Variants in MTUS1 observed in about 807,000 individuals in gnomAD.
MTUS1 encodes the protein microtubule associated scaffold protein 1.
A neutral mutation model predicts 120.8 loss-of-function variants in MTUS1; 109 were observed. The observed-to-expected ratio is 0.90, with a 90% CI of 0.77 to 1.06. The LOEUF is 1.06. Ranked by LOEUF, MTUS1 falls within the 50% of genes least tolerant of loss-of-function variation. The pLI is 0.00. For synonymous variants in MTUS1, 737 were observed against 550.5 expected (o/e 1.34, Z -4.74); for missense variants, 2,210 against 1,486.3 (o/e 1.49, Z -8.01).
intron 1 of MTUS1, among the ~76,000 whole-genome samples, chr8:17,795,754 C>T (rs1176644766): frequency 1.3e-5 from 2 of 151,846 alleles, no homozygotes; most frequent in East Asian, 3.9e-4. Flanking sequence ...ATTCTCCTGC[C>T]TCAGCCTCCC....
intron 13 of MTUS1, 96 bp downstream of exon 13, chr8:17,649,750 G>A: frequency 2.8e-6 from 2 of 706,508 alleles, no homozygotes; most frequent in South Asian, 1.7e-5. Context: ...ATCTTTAGGA[G>A]CAGTTAACCC....
At chr8:17,722,372 A>G in intron 4 of MTUS1, 1 of 979,896 alleles carries the variant, frequency 1.0e-6, no homozygotes, top group Non-Finnish European at 1.2e-6. Context: ...TGTCTTTAAA[A>G]TTGCTTTGCA....
rs142003891 is a variant in MTUS1, at chr8:17,726,022, C to T, written c.2288-2189G>A. Among the ~76,000 whole-genome samples the T allele has an allele frequency of 4.6e-3, 699 of 152,308 alleles. 6 individuals carry two copies. The highest frequency in any genetic ancestry group is 0.016 in the African/African-American group (670 of 41,566). On this transcript the variant is annotated intron_variant, in intron 3 of 14. Coordinates refer to ENST00000693296, the MANE Select transcript of MTUS1 (RefSeq NM_001363059.2). ...ATGCCTCTACCCCTTCATACACACA[C>T]ACCCCTTCGTGGTTTCTCTCCAGTC...
intron 8 of MTUS1, chr8:17,674,364 G>C (rs1812636964): frequency 1.6e-6 from 1 of 629,738 alleles, no homozygotes; most frequent in African/African-American, 2.0e-5. Flanking sequence ...AGGTTGCAGT[G>C]AGTCGAGATC....
At chr8:17,698,621 T>C (rs181049251) in intron 6 of MTUS1, among the ~76,000 whole-genome samples, 2 of 152,324 alleles carry the variant, frequency 1.3e-5, no homozygotes, top group Admixed American at 1.3e-4. Context: ...TAAGTGCTAT[T>C]AAAACTAGCA....
chr8:17,684,287 A>C (rs2130771513), intron 7 of MTUS1, 41 bp downstream of exon 7: 1 of 1,511,358 alleles, frequency 6.6e-7, no homozygotes, highest in Non-Finnish European at 9.2e-7. Flanking sequence ...TGCTCCCCCG[A>C]CCTCAAGTAG....
intron 8 of MTUS1, among the ~76,000 whole-genome samples, chr8:17,658,018 T>TAG (rs1329886904): frequency 1.6e-5 from 1 of 63,644 alleles, no homozygotes; most frequent in Non-Finnish European, 3.5e-5. Flanking sequence ...ATACACTATA[T>TAG]ATATAGACAC....
At chr8:17,659,643 A>G (rs1809238214) in intron 8 of MTUS1, among the ~76,000 whole-genome samples, 1 of 152,202 alleles carries the variant, frequency 6.6e-6, no homozygotes, top group Non-Finnish European at 1.5e-5. Flanking sequence ...GGTTACAGTG[A>G]GCCAAGATCG....
chr8:17,648,045 T>C (rs567306083), intron 13 of MTUS1, among the ~76,000 whole-genome samples: 9 of 152,274 alleles, frequency 5.9e-5, no homozygotes, highest in African/African-American at 2.2e-4. Context: ...GATTCCCAGA[T>C]AAAACAACGT....
intron 8 of MTUS1, among the ~76,000 whole-genome samples, chr8:17,656,777 A>C (rs1808351597): frequency 6.6e-6 from 1 of 151,920 alleles, no homozygotes; most frequent in East Asian, 1.9e-4. Context: ...GAGGGATAAG[A>C]AACAAGTGGA....
chr8:17,763,435 C>T (rs979971549), intron 1 of MTUS1, among the ~76,000 whole-genome samples: 4 of 152,192 alleles, frequency 2.6e-5, no homozygotes, highest in African/African-American at 9.7e-5. Flanking sequence ...ACCACTTCGG[C>T]TTATTCCTTC....
At chr8:17,762,209 G>A (rs1226278167) in intron 1 of MTUS1, among the ~76,000 whole-genome samples, 1 of 152,072 alleles carries the variant, frequency 6.6e-6, no homozygotes, top group Non-Finnish European at 1.5e-5. Flanking sequence ...AACTCAGGAG[G>A]CGGAGGTCGC....
At chr8:17,765,999 C>G (rs985062991) in intron 1 of MTUS1, among the ~76,000 whole-genome samples, 5 of 152,076 alleles carry the variant, frequency 3.3e-5, no homozygotes, top group Non-Finnish European at 7.4e-5. Context: ...ACTTTACATA[C>G]TATAAATTAT....
intron 3 of MTUS1, among the ~76,000 whole-genome samples, chr8:17,737,920 AG>A (rs2047045127): frequency 6.6e-6 from 1 of 152,218 alleles, no homozygotes; most frequent in African/African-American, 2.4e-5. Context: ...AAAGTTTAAA[AG>A]GATATAAAAG....
chr8:17,738,304 C>A (rs1182331037), intron 3 of MTUS1, among the ~76,000 whole-genome samples: 1 of 152,124 alleles, frequency 6.6e-6, no homozygotes, highest in African/African-American at 2.4e-5. Context: ...ACGCACTCTC[C>A]CTCCTCAGCT....
intron 1 of MTUS1, among the ~76,000 whole-genome samples, chr8:17,776,284 A>G (rs578234251): frequency 2.8e-4 from 43 of 151,956 alleles, no homozygotes; most frequent in African/African-American, 2.4e-5. Context: ...AAAGACTACA[A>G]TATTTTATAT....
Position 17,723,671 on chromosome 8 carries a change from C to A in MTUS1, c.2449+1G>T, listed in dbSNP as rs1046707960. Reference sequence around the variant, plus strand: ...CGAAGTGTGATATAAAGTCGACTTACAATTGTTGCTGTAAGTGCTCAGCTC... The same window carrying A: ...CGAAGTGTGATATAAAGTCGACTTAAAATTGTTGCTGTAAGTGCTCAGCTC... On this transcript the variant is annotated splice_donor_variant, in intron 4 of 14. Coordinates refer to ENST00000693296, the MANE Select transcript of MTUS1 (RefSeq NM_001363059.2). LOFTEE classifies it high-confidence loss of function. 4 of 1,608,948 alleles carry A rather than the reference C, an allele frequency of 2.5e-6. 1 individual carries two copies. Among genetic ancestry groups the A allele is most frequent in the Non-Finnish European group, 3.4e-6 (4 of 1,176,136 alleles).
intron 6 of MTUS1, chr8:17,691,240 C>T (rs1256247204): frequency 6.6e-6 from 1 of 152,222 alleles, no homozygotes; most frequent in Non-Finnish European, 1.5e-5. Flanking sequence ...TTATCTGAAA[C>T]TTGTCAAATT....
chr8:17,653,401 A>G (rs769460402), intron 11 of MTUS1, 24 bp downstream of exon 11: 60 of 1,569,790 alleles, frequency 3.8e-5, no homozygotes, highest in Non-Finnish European at 2.5e-5. Flanking sequence ...TGTGGGGGAT[A>G]CTGGGATATT....
Sources: gnomAD v4.1 joint callset for allele counts (sites outside exome capture counted in the v4.1 genomes callset) on GRCh38, gnomAD v4.1.1 for gene constraint, MANE v1.5 for transcripts, NCBI Gene and HGNC (gene_info 2026-07-23, HGNC 2026-07-21) for gene names.